The following NELL2 variants were observed in gnomAD, a reference collection of about 807,000 sequenced individuals.
The protein encoded by NELL2 is protein kinase C-binding protein NELL2.
NELL2 carries 41 observed loss-of-function variants against 109.6 expected under a neutral mutation model. The ratio of observed to expected loss-of-function variants is 0.37; its 90% confidence interval spans 0.29 to 0.49. NELL2 has a LOEUF of 0.49. NELL2 is among the 20% of genes least tolerant of loss of function. NELL2 has a pLI of 0.98. For synonymous variants in NELL2, 355 were observed against 344.7 expected (o/e 1.03, Z -0.33); for missense variants, 900 against 1,008.3 (o/e 0.89, Z 1.45).
At chr12:44,739,986 A>G (rs1050826182) in intron 9 of NELL2, among the ~76,000 whole-genome samples, 3 of 152,242 alleles carry the variant, frequency 2.0e-5, no homozygotes, top group Non-Finnish European at 2.9e-5. Context: ...TTCATGCTAT[A>G]AAGACAGAGT....
chr12:44,603,369 T>C (rs947521327), intron 15 of NELL2, among the ~76,000 whole-genome samples: 1 of 152,134 alleles, frequency 6.6e-6, no homozygotes, highest in Admixed American at 6.6e-5. Flanking sequence ...TCTTTTAGAG[T>C]TATGCTTTAA....
Position 44,813,682 on chromosome 12 carries a change from C to T in NELL2, c.335+2304G>A, listed in dbSNP as rs76799601. Among the ~76,000 whole-genome samples the T allele has an allele frequency of 5.3e-3, 799 of 152,136 alleles. 4 individuals carry two copies. The highest frequency in any genetic ancestry group is 0.018 in the African/African-American group (730 of 41,518). ...TAGACAAAAGGACTGGATTAAAATA[C>T]GACAGAACTTCAACATTAGTCTTTT... On this transcript the variant is annotated intron_variant, in intron 3 of 19. Coordinates refer to ENST00000429094, the MANE Select transcript of NELL2 (RefSeq NM_001145108.2).
At chr12:44,720,476 C>T (rs1938709950) in intron 9 of NELL2, among the ~76,000 whole-genome samples, 2 of 152,138 alleles carry the variant, frequency 1.3e-5, no homozygotes, top group Admixed American at 1.3e-4. Flanking sequence ...AAAATGACAG[C>T]TTACTTTCAA....
intron 1 of NELL2, among the ~76,000 whole-genome samples, chr12:44,911,052 C>T (rs1032182746): frequency 1.3e-5 from 2 of 152,000 alleles, no homozygotes; most frequent in South Asian, 2.1e-4. Flanking sequence ...ATACTATGCT[C>T]ACTACCTAAG....
rs138603492 is a variant in NELL2, at chr12:44,778,720, T to C, written c.606+943A>G. On this transcript the variant is annotated intron_variant, in intron 5 of 19. Coordinates refer to ENST00000429094, the MANE Select transcript of NELL2 (RefSeq NM_001145108.2). ...ATTTGCCTATCTTTAAGCAAGTTAC[T>C]TTACCCCTCTGTGCAGGTTTATGCA... is the stretch of plus-strand genomic sequence containing the variant. Among the ~76,000 whole-genome samples, 95 of 152,274 alleles carry C rather than the reference T, an allele frequency of 6.2e-4. 2 individuals carry two copies. The highest frequency in any genetic ancestry group is 2.2e-3 in the African/African-American group (91 of 41,548).
In NELL2 at chr12:44,876,206, A is replaced by G. The variant is rs1412854407; in HGVS notation, c.-337T>C. 25 of 1,198,118 alleles carry G rather than the reference A, an allele frequency of 2.1e-5. No individual in the cohort carries two copies. The highest frequency in any genetic ancestry group is 2.5e-5 in the Non-Finnish European group (24 of 961,748). 74.2% of individuals were successfully genotyped at this position (1,198,118 alleles called of 1,614,324 possible). A position where few individuals can be genotyped will look rare whatever the true frequency, so the allele number is the denominator to read the frequency against. On this transcript the variant is annotated 5_prime_UTR_variant, in exon 1 of 20. Coordinates refer to ENST00000429094, the MANE Select transcript of NELL2 (RefSeq NM_001145108.2). Reference sequence around the variant, plus strand: ...CCGAGCCGAATAAAAGCAGCCAAAGACTCGCACACCCGGTAGAAGGGGGGC... The same window carrying G: ...CCGAGCCGAATAAAAGCAGCCAAAGGCTCGCACACCCGGTAGAAGGGGGGC...
intron 9 of NELL2, among the ~76,000 whole-genome samples, chr12:44,766,087 GAA>G (rs572286226): frequency 5.3e-5 from 6 of 112,718 alleles, no homozygotes; most frequent in Admixed American, 9.2e-5. Context: ...CTCCGTATCA[GAA>G]AAAAAAAAAA....
chr12:44,806,974 A>C (rs1943021902), intron 3 of NELL2, among the ~76,000 whole-genome samples: 1 of 151,696 alleles, frequency 6.6e-6, no homozygotes, highest in East Asian at 1.9e-4. Context: ...TCTTAAGTAC[A>C]CTAAAATAAG....
Position 44,711,381 on chromosome 12 carries a change from T to G in NELL2, c.1100A>C (p.Lys367Thr), listed in dbSNP as rs778070805. 1.6e-5 allele frequency: 26 copies of G among 1,612,084 alleles called. No individual in the cohort carries two copies. Among genetic ancestry groups the G allele is most frequent in the Non-Finnish European group, 2.2e-5 (26 of 1,178,642 alleles). ...VLYECKDQTM[K>T]LVESSGCPAL... is the part of the protein sequence containing the mutation. Reference sequence around the variant, plus strand: ...TGGACAGCCTGAACTCTCAACAAGTTTCATGGTCTGGTCCTGTTAGACAAC... The same window carrying G: ...TGGACAGCCTGAACTCTCAACAAGTGTCATGGTCTGGTCCTGTTAGACAAC... The change falls in exon 11 of 20, where the codon AAA becomes ACA. Residue 367 changes from lysine (K) to threonine (T), a missense_variant. Lys to Thr is a moderately conservative substitution (Grantham distance 78). Transcript: ENST00000429094.
intron 13 of NELL2, among the ~76,000 whole-genome samples, chr12:44,658,029 G>A (rs1947577403): frequency 6.6e-6 from 1 of 152,086 alleles, no homozygotes; most frequent in Non-Finnish European, 1.5e-5. Flanking sequence ...GGTATTTCTG[G>A]TTCTAGATCC....
chr12:44,648,448 G>A (rs879276946), intron 13 of NELL2, among the ~76,000 whole-genome samples: 4 of 152,070 alleles, frequency 2.6e-5, no homozygotes, highest in African/African-American at 7.2e-5. Flanking sequence ...TGAGGACACA[G>A]AAGCTGTAAA....
chr12:44,867,189 A>T lies in NELL2; in HGVS notation c.184+8036T>A, dbSNP rs565021058. On this transcript the variant is annotated intron_variant, in intron 2 of 19. Coordinates refer to ENST00000429094, the MANE Select transcript of NELL2 (RefSeq NM_001145108.2). ...CAAATAAGGATACTACAAGAAAATT[A>T]CAGGCCAATATTGCTGACGAACAGA... Among the ~76,000 whole-genome samples, 100 of 152,318 alleles carry T rather than the reference A, an allele frequency of 6.6e-4. 2 individuals carry two copies. The South Asian group carries it at 0.02, about 31-fold the overall frequency.
In NELL2 at chr12:44,607,182, G is replaced by T. The variant is rs1412876452; in HGVS notation, c.1650C>A (p.Pro550=). The change falls in exon 15 of 20, where the codon CCC becomes CCA. Residue 550 remains proline, a synonymous_variant. Transcript: ENST00000429094. ...TGATATTCTTACCCGTTTCACAGCTGGGTCCAGTGAAGCCTTGTGGGCAGG... is the reference window on the plus strand; with the variant it reads ...TGATATTCTTACCCGTTTCACAGCTTGGTCCAGTGAAGCCTTGTGGGCAGG... ...VCACPQGFTG[P]SCETDIDECS... 3.1e-6 allele frequency: 5 copies of T among 1,611,802 alleles called. No homozygotes were observed. The highest frequency in any genetic ancestry group is 4.2e-6 in the Non-Finnish European group (5 of 1,178,728).
At chr12:44,608,541 C>T (rs144340902) in intron 14 of NELL2, among the ~76,000 whole-genome samples, 13 of 152,056 alleles carry the variant, frequency 8.5e-5, no homozygotes, top group African/African-American at 1.7e-4. Context: ...AGTCTTTATT[C>T]GGGCAACCTG....
intron 16 of NELL2, among the ~76,000 whole-genome samples, chr12:44,527,931 A>G (rs984890729): frequency 6.6e-5 from 10 of 151,506 alleles, no homozygotes; most frequent in African/African-American, 2.4e-4. Flanking sequence ...CGTCTCTACT[A>G]AAAATACAAA....
At chr12:44,764,226 G>A (rs1436583935) in intron 9 of NELL2, among the ~76,000 whole-genome samples, 3 of 152,098 alleles carry the variant, frequency 2.0e-5, no homozygotes, top group African/African-American at 7.2e-5. Flanking sequence ...TTTTAACTCA[G>A]TGTGTTTTCT....
At chr12:44,696,379 T>C (rs1301148013) in intron 12 of NELL2, among the ~76,000 whole-genome samples, 1 of 152,198 alleles carries the variant, frequency 6.6e-6, no homozygotes, top group Non-Finnish European at 1.5e-5. Context: ...AGATATTTCA[T>C]GTTGAAGTGA....
intron 10 of NELL2, 111 bp from the exon 11 acceptor site, chr12:44,711,505 T>TGTGCA: frequency 1.3e-6 from 1 of 781,960 alleles, no homozygotes; most frequent in Non-Finnish European, 2.1e-6. Context: ...ATTTTTGTCC[T>TGTGCA]GAGGACCTCT....
intron 1 of NELL2, among the ~76,000 whole-genome samples, chr12:44,909,184 A>G (rs1448811059): frequency 6.6e-6 from 1 of 151,996 alleles, no homozygotes; most frequent in Non-Finnish European, 1.5e-5. Flanking sequence ...GAAAACTCCA[A>G]AGACTCCACC....
Sources: gnomAD v4.1 joint callset for allele counts (sites outside exome capture counted in the v4.1 genomes callset) on GRCh38, gnomAD v4.1.1 for gene constraint, MANE v1.5 for transcripts, NCBI Gene and HGNC (gene_info 2026-07-23, HGNC 2026-07-21) for gene names.